MGST1: variants seen among roughly 807,000 people sequenced by gnomAD.
MGST1 encodes microsomal glutathione S-transferase 1.
MGST1 carries 5 observed loss-of-function variants against 8.9 expected under a neutral mutation model. The observed-to-expected ratio is 0.56, with a 90% CI of 0.29 to 1.19. The LOEUF (loss-of-function observed/expected upper bound fraction) is 1.19, where lower values mean the gene tolerates loss of function less well. MGST1 is among the 50% of genes most tolerant of loss of function. The pLI is 0.08. For synonymous variants in MGST1, 54 were observed against 67.8 expected (o/e 0.80, Z 1.00); for missense variants, 182 against 187.4 (o/e 0.97, Z 0.17).
exon 2 of MGST1, chr12:16,438,507 A>G (rs1941009655): frequency 6.6e-6 from 1 of 151,890 alleles, no homozygotes; most frequent in South Asian, 2.1e-4. Flanking sequence ...TAGAGATTAC[A>G]TTATAACTCA....
downstream of MGST1, chr12:16,367,199 G>A (rs1194855114): frequency 6.6e-6 from 1 of 152,120 alleles, no homozygotes; most frequent in Non-Finnish European, 1.5e-5. Flanking sequence ...TGATGGATGG[G>A]GGTAGGTCAT....
In MGST1 at chr12:16,411,528, T is replaced by C. The variant is rs183158503; in HGVS notation, n.779-25860T>C. On this transcript the variant is annotated intron_variant and non_coding_transcript_variant, in intron 1 of 1. Coordinates refer to the MGST1 transcript ENST00000359720. ...ACATTCTTCAAAAATGTTAGTTTTCTTTAATAATATACGATGATTTTGGAT... is the reference window on the plus strand; with the variant it reads ...ACATTCTTCAAAAATGTTAGTTTTCCTTAATAATATACGATGATTTTGGAT... 1.6e-3 allele frequency among the ~76,000 whole-genome samples: 251 copies of C among 152,248 alleles called. 1 individual carries two copies. The highest frequency in any genetic ancestry group is 2.5e-4 in the Non-Finnish European group (17 of 68,008).
intron 1 of MGST1, among the ~76,000 whole-genome samples, chr12:16,352,581 G>T (rs1913264): frequency 0.63 from 95,191 of 152,048 alleles, 31,285 homozygotes; most frequent in Non-Finnish European, 0.73. Flanking sequence ...GACTGGAAAT[G>T]TACATTTTAA....
downstream of MGST1, among the ~76,000 whole-genome samples, chr12:16,366,548 G>A (rs1308472805): frequency 2.0e-5 from 3 of 151,824 alleles, no homozygotes; most frequent in Non-Finnish European, 4.4e-5. The surrounding 1 kb of genome is among the most constrained non-coding windows in gnomAD (Gnocchi z 4.0). Flanking sequence ...GGAATAGGAT[G>A]GGTTTGTTTT....
chr12:16,364,300 G>T lies in MGST1; in HGVS notation c.*259G>T. The stretch of plus-strand genomic sequence containing the variant: ...ATAAATTTGGATCATGTTATGATTT[G>T]TAACATTCACACAACACCTCACTTT... On this transcript the variant is annotated 3_prime_UTR_variant, in exon 4 of 4. Transcript: ENST00000396210. The surrounding 1 kb of genome is among the most constrained non-coding windows in gnomAD (Gnocchi z 5.7). 8.8e-7 allele frequency: 1 copy of T among 1,131,948 alleles called. No individual in the cohort carries two copies. The highest frequency in any genetic ancestry group is 3.8e-5 in the South Asian group (1 of 26,090). 70.1% of individuals were successfully genotyped at this position (1,131,948 alleles called of 1,614,324 possible).
intron 4 of MGST1, among the ~76,000 whole-genome samples, chr12:16,492,897 G>T (rs1245009737): frequency 6.6e-6 from 1 of 152,142 alleles, no homozygotes; most frequent in Non-Finnish European, 1.5e-5. Flanking sequence ...CTAAAAGAGA[G>T]AATTGAAATG....
intron 4 of MGST1, among the ~76,000 whole-genome samples, chr12:16,498,960 G>C (rs956026346): frequency 6.6e-6 from 1 of 152,064 alleles, no homozygotes; most frequent in Non-Finnish European, 1.5e-5. Flanking sequence ...GATACAAAGG[G>C]CCTTTAGAAA....
downstream of MGST1, among the ~76,000 whole-genome samples, chr12:16,379,190 T>C (rs540095861): frequency 3.9e-3 from 589 of 152,340 alleles, 2 homozygotes; most frequent in Non-Finnish European, 6.2e-3. Flanking sequence ...CTATGTTGAA[T>C]AGGAGTGGTG....
chr12:16,406,653 AACTAT>A (rs1289711019), intron 1 of MGST1, among the ~76,000 whole-genome samples: 1 of 152,230 alleles, frequency 6.6e-6, no homozygotes, highest in African/African-American at 2.4e-5. Flanking sequence ...CTGGACTTCA[AACTAT>A]ACTACAGGGC....
At chr12:16,399,489 C>A in intron 1 of MGST1, 1 of 1,560,180 alleles carries the variant, frequency 6.4e-7, no homozygotes, top group East Asian at 2.2e-5. Context: ...TTCTTCACTA[C>A]CCAACGACTC....
intron 4 of MGST1, among the ~76,000 whole-genome samples, chr12:16,468,155 A>G (rs926755846): frequency 2.6e-5 from 4 of 152,182 alleles, no homozygotes; most frequent in African/African-American, 4.8e-5. Context: ...ATCTGCTTCC[A>G]TCATTAGAGA....
intron 1 of MGST1, among the ~76,000 whole-genome samples, chr12:16,397,427 G>C (rs1940614441): frequency 6.6e-6 from 1 of 152,036 alleles, no homozygotes; most frequent in Admixed American, 6.6e-5. Flanking sequence ...TAAATAGGTG[G>C]GACTTAATTA....
chr12:16,399,782 C>A (rs1940637876), intron 1 of MGST1: 2 of 1,186,830 alleles, frequency 1.7e-6, no homozygotes, highest in African/African-American at 1.5e-5. Flanking sequence ...TCAACCATTC[C>A]TTGATGGGTC....
intron 3 of MGST1, among the ~76,000 whole-genome samples, chr12:16,372,903 T>C (rs950577482): frequency 4.2e-5 from 6 of 141,486 alleles, no homozygotes; most frequent in African/African-American, 1.5e-4. Flanking sequence ...GTATATTATA[T>C]ATTACATATT....
rs1941368056 is a variant in MGST1, at chr12:16,482,091, C to G, written n.482+98487C>G. 6.6e-6 allele frequency among the ~76,000 whole-genome samples: 1 copy of G among 152,018 alleles called. No individual in the cohort carries two copies. The highest frequency in any genetic ancestry group is 1.9e-4 in the East Asian group (1 of 5,194). ...ATTGAGGTGCTGAAAATATAATAGT[C>G]AACATAAAATTGTATTCTAGCTAAA... On this transcript the variant is annotated intron_variant and non_coding_transcript_variant, in intron 4 of 4. Coordinates refer to the MGST1 transcript ENST00000538857. The surrounding 1 kb of genome is among the most constrained non-coding windows in gnomAD (Gnocchi z 4.2).
intron 1 of MGST1, among the ~76,000 whole-genome samples, chr12:16,425,373 C>T (rs575327230): frequency 5.8e-4 from 88 of 152,196 alleles, no homozygotes; most frequent in African/African-American, 2.1e-3. Flanking sequence ...GCCTCCACCT[C>T]CTGGGCTCAA....
At chr12:16,541,144 T>C (rs1941791124) in intron 4 of MGST1, among the ~76,000 whole-genome samples, 1 of 152,230 alleles carries the variant, frequency 6.6e-6, no homozygotes, top group Non-Finnish European at 1.5e-5. Flanking sequence ...AAAAGTCTAT[T>C]TGTATACCAA....
chr12:16,558,462 A>T (rs972378381), intron 4 of MGST1, among the ~76,000 whole-genome samples: 4 of 152,102 alleles, frequency 2.6e-5, no homozygotes, highest in African/African-American at 9.7e-5. Context: ...TACTACTAAG[A>T]CACCTTTAAA....
chr12:16,534,212 A>G (rs917180738), intron 4 of MGST1, among the ~76,000 whole-genome samples: 1 of 152,238 alleles, frequency 6.6e-6, no homozygotes, highest in African/African-American at 2.4e-5. Context: ...CATAAATACA[A>G]TCAATAACCT....
Sources: allele counts gnomAD v4.1 joint callset (sites outside exome capture counted in the v4.1 genomes callset), GRCh38; gene constraint gnomAD v4.1.1; non-coding constraint Gnocchi (gnomAD v3.1); transcripts MANE v1.5; gene names NCBI Gene and HGNC (gene_info 2026-07-23, HGNC 2026-07-21).